KDM4C: variants seen among roughly 807,000 people sequenced by gnomAD.
The protein encoded by KDM4C is lysine-specific demethylase 4C.
KDM4C carries 81 observed loss-of-function variants against 129.3 expected under a neutral mutation model. That is an observed-to-expected ratio of 0.63 (90% CI 0.52 to 0.75). The LOEUF is 0.75. Ranked by LOEUF, KDM4C falls within the 30% of genes least tolerant of loss-of-function variation. The pLI is 0.00. For synonymous variants in KDM4C, 573 were observed against 456.1 expected, an observed-to-expected ratio of 1.26 and a Z score of -3.26; for missense variants, 1,457 against 1,304.0, an observed-to-expected ratio of 1.12 and a Z score of -1.81.
intron 5 of KDM4C, among the ~76,000 whole-genome samples, chr9:6,873,073 C>T (rs1047637613): frequency 2.6e-5 from 4 of 152,092 alleles, no homozygotes; most frequent in Non-Finnish European, 5.9e-5. Flanking sequence ...ATTACAGGCG[C>T]GCACCACTCC....
chr9:7,164,660 C>A (rs998968159), intron 19 of KDM4C, among the ~76,000 whole-genome samples: 3 of 152,156 alleles, frequency 2.0e-5, no homozygotes, highest in South Asian at 4.1e-4. Context: ...CAAGTCCTAC[C>A]GGCTTCAATC....
chr9:6,959,835 T>C (rs2131589242), intron 8 of KDM4C, among the ~76,000 whole-genome samples: 1 of 152,260 alleles, frequency 6.6e-6, no homozygotes, highest in African/African-American at 2.4e-5. Context: ...ACTTAATTTA[T>C]CACCAGGCAT....
chr9:7,060,617 G>A (rs549561961), intron 17 of KDM4C, among the ~76,000 whole-genome samples: 24 of 151,892 alleles, frequency 1.6e-4, no homozygotes, highest in Non-Finnish European at 1.8e-4. Context: ...GAGTAGCTGG[G>A]ACTACAGGTG....
At chr9:7,160,282 T>C (rs975501095) in intron 19 of KDM4C, among the ~76,000 whole-genome samples, 3 of 152,170 alleles carry the variant, frequency 2.0e-5, no homozygotes, top group Admixed American at 1.3e-4. Context: ...TGAACATGCC[T>C]CTTTAGCTTG....
intron 17 of KDM4C, among the ~76,000 whole-genome samples, chr9:7,100,260 A>C (rs1008579878): frequency 6.6e-6 from 1 of 152,226 alleles, no homozygotes; most frequent in African/African-American, 2.4e-5. Context: ...TCAGTGTCTC[A>C]GTAGGTTAGG....
chr9:6,801,925 T>G (rs1829062649), intron 2 of KDM4C, among the ~76,000 whole-genome samples: 1 of 151,854 alleles, frequency 6.6e-6, no homozygotes, highest in African/African-American at 2.4e-5. Context: ...GCCAACATAG[T>G]GAAACCCTGT....
At chr9:7,007,163 A>C in intron 12 of KDM4C, among the ~76,000 whole-genome samples, 1 of 152,264 alleles carries the variant, frequency 6.6e-6, no homozygotes, top group East Asian at 1.9e-4. Flanking sequence ...TATTTAGGAC[A>C]AAGTTCCACA....
At chr9:6,829,894 C>T (rs1245690541) in intron 4 of KDM4C, among the ~76,000 whole-genome samples, 1 of 152,136 alleles carries the variant, frequency 6.6e-6, no homozygotes, top group East Asian at 1.9e-4. Context: ...ATCTAGATTT[C>T]ATCTTTATTA....
intron 8 of KDM4C, among the ~76,000 whole-genome samples, chr9:6,895,433 C>G (rs993287593): frequency 1.3e-5 from 2 of 152,186 alleles, no homozygotes; most frequent in African/African-American, 4.8e-5. Context: ...TCTCTCTAGT[C>G]CTCCTGTGTA....
chr9:6,724,548 T>C (rs1588027590), intron 1 of KDM4C, among the ~76,000 whole-genome samples: 1 of 152,146 alleles, frequency 6.6e-6, no homozygotes, highest in East Asian at 1.9e-4. Context: ...TTATTATTTT[T>C]GAGACGGATA....
chr9:6,979,020 C>G (rs925344838), intron 8 of KDM4C, among the ~76,000 whole-genome samples: 2 of 152,044 alleles, frequency 1.3e-5, no homozygotes, highest in African/African-American at 4.8e-5. Flanking sequence ...AGGGATGTTG[C>G]AATTGTAATC....
chr9:6,723,983 A>C (rs1191612926), intron 1 of KDM4C: 3 of 152,230 alleles, frequency 2.0e-5, no homozygotes, highest in Non-Finnish European at 4.4e-5. Context: ...GGGAAATGCC[A>C]TAATTAAAAC....
chr9:7,161,107 A>C (rs111982977), intron 19 of KDM4C, among the ~76,000 whole-genome samples: 4,055 of 152,292 alleles, frequency 0.027, 135 homozygotes, highest in East Asian at 0.14. Context: ...AGCAGTGAGC[A>C]AGGCTCCATG....
chr9:6,990,760 G>A (rs1334362838), intron 12 of KDM4C, among the ~76,000 whole-genome samples: 1 of 152,098 alleles, frequency 6.6e-6, no homozygotes, highest in Non-Finnish European at 1.5e-5. Context: ...TTATGTCATG[G>A]GGTAAAATCA....
intron 20 of KDM4C, 124 bp downstream of exon 20, chr9:7,165,481 G>A (rs1844285427): frequency 2.7e-6 from 3 of 1,116,444 alleles, no homozygotes; most frequent in African/African-American, 3.1e-5. Flanking sequence ...ATTTTATGCA[G>A]GAGGCAAAGA....
At chr9:6,743,387 G>A (rs1817768181) in intron 1 of KDM4C, among the ~76,000 whole-genome samples, 1 of 152,106 alleles carries the variant, frequency 6.6e-6, no homozygotes, top group South Asian at 2.1e-4. Flanking sequence ...CATTTACTGA[G>A]TTAATGAGCA....
intron 8 of KDM4C, among the ~76,000 whole-genome samples, chr9:6,913,434 C>A (rs934368626): frequency 6.6e-6 from 1 of 152,200 alleles, no homozygotes; most frequent in African/African-American, 2.4e-5. Flanking sequence ...GCAAAATGGG[C>A]TTTTATCATG....
chr9:7,112,856 G>A (rs1297236512), intron 18 of KDM4C, among the ~76,000 whole-genome samples: 1 of 152,118 alleles, frequency 6.6e-6, no homozygotes, highest in Non-Finnish European at 1.5e-5. Flanking sequence ...TCCTCATAGT[G>A]TCTCTAAGAT....
At chr9:6,762,741 C>T (rs1409736735) in intron 1 of KDM4C, among the ~76,000 whole-genome samples, 5 of 150,998 alleles carry the variant, frequency 3.3e-5, no homozygotes, top group African/African-American at 1.2e-4. Context: ...TCACTGCAAC[C>T]TCCACCTCCT....
Sources: gnomAD v4.1 joint callset for allele counts (sites outside exome capture counted in the v4.1 genomes callset) on GRCh38, gnomAD v4.1.1 for gene constraint, MANE v1.5 for transcripts, NCBI Gene and HGNC (gene_info 2026-07-23, HGNC 2026-07-21) for gene names.